The following KDM4C variants were observed in gnomAD, a reference collection of about 807,000 sequenced individuals.
KDM4C encodes lysine-specific demethylase 4C.
Under a neutral mutation model 129.3 loss-of-function variants are expected in KDM4C, and 81 were observed. That is an observed-to-expected ratio of 0.63 (90% CI 0.52 to 0.75). The LOEUF is 0.75. Ranked by LOEUF, KDM4C falls within the 30% of genes least tolerant of loss-of-function variation. The pLI, the probability that KDM4C is intolerant of heterozygous loss-of-function variation, is 0.00. For missense variants in KDM4C, 1,457 were observed against 1,304.0 expected, an observed-to-expected ratio of 1.12 and a Z score of -1.81; for synonymous variants, 573 against 456.1, an observed-to-expected ratio of 1.26 and a Z score of -3.26.
At chr9:6,900,059 T>A (rs1036067443) in intron 8 of KDM4C, among the ~76,000 whole-genome samples, 4 of 152,264 alleles carry the variant, frequency 2.6e-5, no homozygotes, top group Non-Finnish European at 4.4e-5. Context: ...TTTGACATTG[T>A]CTCCAATATG....
intron 1 of KDM4C, among the ~76,000 whole-genome samples, chr9:6,731,012 C>A (rs993643439): frequency 4.6e-5 from 7 of 152,186 alleles, no homozygotes; most frequent in African/African-American, 1.2e-4. Flanking sequence ...CTCAGGCCAT[C>A]CTTAGTTCGC....
At chr9:6,846,329 T>C (rs550038462) in intron 4 of KDM4C, among the ~76,000 whole-genome samples, 6 of 152,200 alleles carry the variant, frequency 3.9e-5, no homozygotes, top group Non-Finnish European at 7.3e-5. Context: ...TTTTATAGGA[T>C]TGTTTAGAAT....
chr9:6,761,302 C>G (rs1446066247), intron 1 of KDM4C, among the ~76,000 whole-genome samples: 1 of 152,086 alleles, frequency 6.6e-6, no homozygotes, highest in East Asian at 1.9e-4. Context: ...AACCACTGTG[C>G]CCGGCCTCTG....
intron 19 of KDM4C, among the ~76,000 whole-genome samples, chr9:7,144,005 C>T (rs1333090844): frequency 6.6e-6 from 1 of 152,126 alleles, no homozygotes; most frequent in Non-Finnish European, 1.5e-5. Context: ...AATGGCATTG[C>T]TCACATTTTT....
rs1564123159 is a variant in KDM4C, at chr9:6,835,352, G to A, written c.436-14155G>A. The A allele has an allele frequency of 2.9e-6, 3 of 1,039,122 alleles. No individual in the cohort carries two copies. In the East Asian group the frequency reaches 7.1e-5, roughly 25 times the overall value. 64.4% of individuals were successfully genotyped at this position (1,039,122 alleles called of 1,614,324 possible). On this transcript the variant is annotated intron_variant, in intron 4 of 21. Coordinates refer to ENST00000381309, the MANE Select transcript of KDM4C (RefSeq NM_015061.6). ...CTTTACGCCAACACATTGCTGTCTGGCGGCACCACCATGTACCCTAGCGTT... is the reference window on the plus strand; with the variant it reads ...CTTTACGCCAACACATTGCTGTCTGACGGCACCACCATGTACCCTAGCGTT...
chr9:6,746,369 C>T (rs1228960444), intron 1 of KDM4C, among the ~76,000 whole-genome samples: 2 of 145,702 alleles, frequency 1.4e-5, no homozygotes, highest in Non-Finnish European at 3.0e-5. Context: ...CCCGGGTTCA[C>T]GCCATTCTCC....
chr9:6,904,209 A>G (rs1817895631), intron 8 of KDM4C, among the ~76,000 whole-genome samples: 1 of 152,128 alleles, frequency 6.6e-6, no homozygotes, highest in Non-Finnish European at 1.5e-5. Context: ...ACTGCACTCC[A>G]GCCTGGGCAA....
chr9:6,863,773 G>A (rs1407466757), intron 5 of KDM4C, among the ~76,000 whole-genome samples: 2 of 141,446 alleles, frequency 1.4e-5, no homozygotes, highest in East Asian at 2.0e-4. Flanking sequence ...CAGCCTGGGC[G>A]ACACAGCGAG....
chr9:6,894,985 C>G (rs1478143767), intron 8 of KDM4C, among the ~76,000 whole-genome samples: 1 of 152,174 alleles, frequency 6.6e-6, no homozygotes, highest in Non-Finnish European at 1.5e-5. Context: ...AGGGCTATGA[C>G]TGTTTTGTTT....
chr9:6,963,351 C>T (rs1321629392), intron 8 of KDM4C, among the ~76,000 whole-genome samples: 2 of 152,204 alleles, frequency 1.3e-5, no homozygotes, highest in Non-Finnish European at 2.9e-5. Context: ...TTATTGACCA[C>T]TCTGGTTGGG....
chr9:7,131,545 C>T (rs143601694), intron 19 of KDM4C, among the ~76,000 whole-genome samples: 765 of 152,124 alleles, frequency 5.0e-3, no homozygotes, highest in Non-Finnish European at 8.3e-3. Flanking sequence ...CTTGAACTCC[C>T]GGGCTCAACT....
At chr9:6,891,091 G>C (rs551218966) in intron 7 of KDM4C, among the ~76,000 whole-genome samples, 2 of 152,346 alleles carry the variant, frequency 1.3e-5, no homozygotes, top group Non-Finnish European at 2.9e-5. Flanking sequence ...AAGCTAATCA[G>C]TGGTGAAAGG....
At chr9:7,160,225 A>G (rs1417170246) in intron 19 of KDM4C, among the ~76,000 whole-genome samples, 6 of 152,010 alleles carry the variant, frequency 3.9e-5, no homozygotes, top group Admixed American at 6.6e-5. Flanking sequence ...CTAGTTAGCC[A>G]TTTGTCTAAT....
At chr9:6,775,335 G>C (rs778844220) in intron 1 of KDM4C, among the ~76,000 whole-genome samples, 3 of 151,852 alleles carry the variant, frequency 2.0e-5, no homozygotes, top group Non-Finnish European at 4.4e-5. Context: ...ATATTCCTGG[G>C]AGTAGCTATG....
chr9:6,775,269 G>C lies in KDM4C; in HGVS notation c.-18+17066G>C, dbSNP rs142638509. Among the ~76,000 whole-genome samples, 1,516 of 152,012 alleles carry C rather than the reference G, an allele frequency of 1.0e-2. 14 individuals carry two copies. The highest frequency in any genetic ancestry group is 0.032 in the South Asian group (152 of 4,806). On this transcript the variant is annotated intron_variant, in intron 1 of 21. Transcript: ENST00000381309. Reference sequence around the variant, plus strand: ...TCACCTCAAGTGATCAGCCTGCCTCGGCCTCCCAAAGTGCTGGGATTACAG... The same window carrying C: ...TCACCTCAAGTGATCAGCCTGCCTCCGCCTCCCAAAGTGCTGGGATTACAG...
At chr9:7,170,396 A>T (rs1368182122) in intron 21 of KDM4C, 1 of 996,460 alleles carries the variant, frequency 1.0e-6, no homozygotes, top group Admixed American at 6.0e-5. Context: ...CTTTCATAAT[A>T]AAAGGGATAA....
Position 6,830,964 on chromosome 9 carries a change from T to G in KDM4C, c.435+16219T>G, listed in dbSNP as rs116138086. Among the ~76,000 whole-genome samples the G allele has an allele frequency of 8.8e-3, 1,340 of 152,326 alleles. 28 individuals carry two copies. Among genetic ancestry groups the G allele is most frequent in the African/African-American group, 0.031 (1,279 of 41,562 alleles). Reference sequence around the variant, plus strand: ...GAATTGGGAAGAACAGGTATATTCTTTATTTAAACTGGGATTTTCCAGGTA... The same window carrying G: ...GAATTGGGAAGAACAGGTATATTCTGTATTTAAACTGGGATTTTCCAGGTA... On this transcript the variant is annotated intron_variant, in intron 4 of 21. Transcript: ENST00000381309.
At chr9:6,992,238 T>A (rs1346564668) in intron 12 of KDM4C, among the ~76,000 whole-genome samples, 70 of 152,198 alleles carry the variant, frequency 4.6e-4, no homozygotes, top group Non-Finnish European at 8.8e-5. Context: ...TTCTCCTGTG[T>A]CCTTATTTGC....
At chr9:7,013,357 A>G (rs1223956157) in intron 13 of KDM4C, among the ~76,000 whole-genome samples, 2 of 152,164 alleles carry the variant, frequency 1.3e-5, no homozygotes, top group East Asian at 3.8e-4. Flanking sequence ...TGATGAGGCA[A>G]AAATTCTTAA....
Sources: allele counts gnomAD v4.1 joint callset (sites outside exome capture counted in the v4.1 genomes callset), GRCh38; gene constraint gnomAD v4.1.1; transcripts MANE v1.5; gene names NCBI Gene and HGNC (gene_info 2026-07-23, HGNC 2026-07-21).